The following RYR2 variants were observed in gnomAD, a reference collection of about 807,000 sequenced individuals.
The protein encoded by RYR2 is ryanodine receptor 2.
RYR2 carries 227 observed loss-of-function variants against 601.1 expected under a neutral mutation model. The observed-to-expected ratio is 0.38, with a 90% confidence interval of 0.34 to 0.42. The LOEUF (loss-of-function observed/expected upper bound fraction) is 0.42. RYR2 is among the 10% of genes least tolerant of loss of function. The probability of loss-of-function intolerance (pLI) is 1.00; values close to 1 mark genes in which losing one functional copy is unlikely to be tolerated. For missense variants in RYR2, 4,646 were observed against 6,156.5 expected, an observed-to-expected ratio of 0.75 and a Z score of 8.21; for synonymous variants, 2,223 against 2,175.1, an observed-to-expected ratio of 1.02 and a Z score of -0.61.
chr1:237,431,460 T>C (rs1307325974), intron 12 of RYR2, among the ~76,000 whole-genome samples: 2 of 152,200 alleles, frequency 1.3e-5, no homozygotes, highest in East Asian at 3.8e-4. Flanking sequence ...GTTAATTATA[T>C]ATGATTTTGG....
chr1:237,446,051 A>T (rs1708307180), intron 14 of RYR2, among the ~76,000 whole-genome samples: 1 of 152,092 alleles, frequency 6.6e-6, no homozygotes, highest in South Asian at 2.1e-4. Context: ...TCTTGACCTC[A>T]TGATCCGCTC....
chr1:237,464,418 T>C (rs1659833524), intron 16 of RYR2, among the ~76,000 whole-genome samples: 1 of 152,164 alleles, frequency 6.6e-6, no homozygotes. Context: ...GATTTTTTTT[T>C]TTGACAGAAT....
intron 1 of RYR2, among the ~76,000 whole-genome samples, chr1:237,066,570 T>C (rs1269941119): frequency 1.2e-5 from 1 of 80,010 alleles, no homozygotes; most frequent in Non-Finnish European, 2.8e-5. Flanking sequence ...AATCATGGTA[T>C]TAATTTGCTT....
intron 1 of RYR2, among the ~76,000 whole-genome samples, chr1:237,132,734 A>G (rs1672296228): frequency 6.6e-6 from 1 of 152,230 alleles, no homozygotes; most frequent in Non-Finnish European, 1.5e-5. Context: ...TTTTTCTAAA[A>G]TTAATGAAAG....
At chr1:237,475,972 G>C (rs1661350843) in intron 17 of RYR2, among the ~76,000 whole-genome samples, 1 of 152,202 alleles carries the variant, frequency 6.6e-6, no homozygotes, top group Non-Finnish European at 1.5e-5. Context: ...ATGTATTTCA[G>C]AATGGTGGCA....
intron 1 of RYR2, among the ~76,000 whole-genome samples, chr1:237,095,589 T>G (rs1280578405): frequency 1.3e-5 from 2 of 152,184 alleles, no homozygotes; most frequent in African/African-American, 4.8e-5. Flanking sequence ...CTACAGAGCA[T>G]CCCCCTAGCC....
At chr1:237,752,542 C>G (rs959555858) in intron 80 of RYR2, among the ~76,000 whole-genome samples, 4 of 151,762 alleles carry the variant, frequency 2.6e-5, no homozygotes, top group Non-Finnish European at 5.9e-5. Context: ...CACTGTGAGT[C>G]AACTCTACAG....
At chr1:237,630,395 G>A (rs1680122360) in intron 41 of RYR2, among the ~76,000 whole-genome samples, 1 of 152,046 alleles carries the variant, frequency 6.6e-6, no homozygotes, top group Non-Finnish European at 1.5e-5. Context: ...ACCCATATTA[G>A]CCTTGGGCAT....
At position 237,569,252 on chromosome 1, in the gene RYR2, G is replaced by A; in HGVS notation, c.3531G>A (p.Leu1177=). Residue 1177 remains leucine (L), a synonymous_variant, in exon 29 of 105, where the codon CTG becomes CTA. Transcript: ENST00000366574. ...ACGAACACACCATGATGTTCACACT[G>A]AATGGTGAAATCCTTCTTGATGATT... ...DMNEHTMMFT[L]NGEILLDDSG... 1.2e-6 allele frequency: 2 copies of A among 1,613,870 alleles called. No individual in the cohort carries two copies. The highest frequency in any genetic ancestry group is 1.7e-6 in the Non-Finnish European group (2 of 1,179,836).
At chr1:237,504,112 T>TAA (rs1341243060) in intron 22 of RYR2, among the ~76,000 whole-genome samples, 1 of 152,388 alleles carries the variant, frequency 6.6e-6, no homozygotes, top group East Asian at 1.9e-4. Flanking sequence ...AGGTTGTCTT[T>TAA]AAAGTTTTAT....
At chr1:237,303,902 G>A (rs1303167908) in intron 2 of RYR2, among the ~76,000 whole-genome samples, 1 of 152,160 alleles carries the variant, frequency 6.6e-6, no homozygotes, top group Non-Finnish European at 1.5e-5. Flanking sequence ...GATAGTCCTA[G>A]TTATCAGATA....
chr1:237,803,272 T>C lies in RYR2; in HGVS notation c.14151+1356T>C, dbSNP rs561206840. Among the ~76,000 whole-genome samples the C allele has an allele frequency of 5.9e-5, 9 of 152,126 alleles. No homozygotes were observed. In the East Asian group the frequency reaches 1.7e-3, roughly 29 times the overall value. ...GTCACTTAGGTCGTTACTCATCTTA[T>C]GCCCATAAATTTTCCTTTTCCTCAG... On this transcript the variant is annotated intron_variant, in intron 98 of 104. Coordinates refer to ENST00000366574, the MANE Select transcript of RYR2 (RefSeq NM_001035.3).
chr1:237,042,975 CG>C (rs893425624), intron 1 of RYR2, among the ~76,000 whole-genome samples: 11 of 151,832 alleles, frequency 7.2e-5, no homozygotes, highest in Non-Finnish European at 1.2e-4. Context: ...CCCGTGGGGG[CG>C]CGGGGAGCGG....
intron 100 of RYR2, among the ~76,000 whole-genome samples, chr1:237,813,018 C>T (rs1021564232): frequency 6.6e-6 from 1 of 152,094 alleles, no homozygotes; most frequent in Non-Finnish European, 1.5e-5. Flanking sequence ...ACCCCCTCCT[C>T]CCACGCCTAT....
intron 38 of RYR2, among the ~76,000 whole-genome samples, chr1:237,618,688 A>ACT (rs1678754590): frequency 6.6e-6 from 1 of 152,098 alleles, no homozygotes; most frequent in Non-Finnish European, 1.5e-5. Context: ...TGAAGCCAAA[A>ACT]ACCACAGAAA....
chr1:237,740,238 A>G (rs1305199652), intron 79 of RYR2, among the ~76,000 whole-genome samples: 2 of 152,156 alleles, frequency 1.3e-5, no homozygotes, highest in Non-Finnish European at 2.9e-5. Flanking sequence ...GAAATCTGAT[A>G]CCTTTTTTGT....
At chr1:237,285,461 T>C (rs1691455313) in intron 2 of RYR2, among the ~76,000 whole-genome samples, 1 of 152,200 alleles carries the variant, frequency 6.6e-6, no homozygotes, top group Non-Finnish European at 1.5e-5. Flanking sequence ...TCTATGTTCA[T>C]CAAGGATATC....
intron 1 of RYR2, among the ~76,000 whole-genome samples, chr1:237,231,302 C>T (rs1558466249): frequency 2.0e-5 from 3 of 149,874 alleles, no homozygotes; most frequent in African/African-American, 7.4e-5. Context: ...GAGATAGTGT[C>T]TTTTTTTCTT....
chr1:237,382,055 T>A (rs1045896102), intron 8 of RYR2, among the ~76,000 whole-genome samples: 2 of 152,180 alleles, frequency 1.3e-5, no homozygotes, highest in Admixed American at 6.5e-5. Context: ...ACAAAATGAA[T>A]CTTACAAAAC....
Sources: gnomAD v4.1 joint callset for allele counts (sites outside exome capture counted in the v4.1 genomes callset) on GRCh38, gnomAD v4.1.1 for gene constraint, MANE v1.5 for transcripts, NCBI Gene and HGNC (gene_info 2026-07-23, HGNC 2026-07-21) for gene names.